Variants in SNX29 observed in about 807,000 individuals in gnomAD.
SNX29 encodes sorting nexin 29.
SNX29 carries 78 observed loss-of-function variants against 102.1 expected under a neutral mutation model. The ratio of observed to expected loss-of-function variants is 0.76; its 90% confidence interval spans 0.64 to 0.92. The LOEUF (loss-of-function observed/expected upper bound fraction) is 0.92, where lower values mean the gene tolerates loss of function less well. SNX29 is among the 40% of genes least tolerant of loss of function. The probability of loss-of-function intolerance (pLI) is 0.00; values close to 1 mark genes in which losing one functional copy is unlikely to be tolerated. For synonymous variants in SNX29, 580 were observed against 414.5 expected (o/e 1.40, Z -4.85); for missense variants, 1,280 against 1,061.7 (o/e 1.21, Z -2.86).
intron 18 of SNX29, among the ~76,000 whole-genome samples, chr16:12,427,631 C>G (rs575883440): frequency 6.6e-6 from 1 of 152,298 alleles, no homozygotes; most frequent in Admixed American, 6.5e-5. Flanking sequence ...ATCGGCCATG[C>G]TTGGAGGTTA....
chr16:12,457,455 G>A (rs60890548), intron 18 of SNX29, among the ~76,000 whole-genome samples: 1 of 152,180 alleles, frequency 6.6e-6, no homozygotes, highest in Non-Finnish European at 1.5e-5. Flanking sequence ...CAGAGATACG[G>A]CAGGTCTCAA....
intron 18 of SNX29, among the ~76,000 whole-genome samples, chr16:12,441,152 A>T (rs1010045482): frequency 7.6e-6 from 1 of 131,840 alleles, no homozygotes; most frequent in Non-Finnish European, 1.5e-5. Context: ...CAGTGGCGCT[A>T]TCTCGGCTCA....
At chr16:12,441,172 C>G (rs2085790471) in intron 18 of SNX29, among the ~76,000 whole-genome samples, 1 of 150,782 alleles carries the variant, frequency 6.6e-6, no homozygotes, top group South Asian at 2.1e-4. Context: ...ACTGCAAGCT[C>G]CGCCTCCTGG....
In SNX29 at chr16:12,572,758, G is replaced by C. The variant is rs913233188; in HGVS notation, c.*4129G>C. 10 of 1,064,006 alleles carry C rather than the reference G, an allele frequency of 9.4e-6. No individual in the cohort carries two copies. Among genetic ancestry groups the C allele is most frequent in the Non-Finnish European group, 1.0e-5 (9 of 878,456 alleles). 65.9% of individuals were successfully genotyped at this position (1,064,006 alleles called of 1,614,324 possible). A position where few individuals can be genotyped will look rare whatever the true frequency, so the allele number is the denominator to read the frequency against. On this transcript the variant is annotated 3_prime_UTR_variant, in exon 21 of 21. Transcript: ENST00000566228. ...AGGAAGGGCTGGGTTTTCAGCTTCTGGGACCCGAGGAAGACCCCACCTCAC... is the reference window on the plus strand; with the variant it reads ...AGGAAGGGCTGGGTTTTCAGCTTCTCGGACCCGAGGAAGACCCCACCTCAC...
At chr16:12,523,440 C>T (rs528658252) in intron 19 of SNX29, among the ~76,000 whole-genome samples, 4 of 152,226 alleles carry the variant, frequency 2.6e-5, no homozygotes, top group Admixed American at 6.5e-5. Flanking sequence ...AGGAGCATGA[C>T]GGTCTCAGAG....
At chr16:12,525,931 C>T (rs1043952544) in intron 20 of SNX29, among the ~76,000 whole-genome samples, 1 of 152,140 alleles carries the variant, frequency 6.6e-6, no homozygotes. Context: ...GATTAGTCCA[C>T]TCTGTTGTCA....
chr16:12,133,869 G>T (rs1338411890), intron 13 of SNX29, among the ~76,000 whole-genome samples: 1 of 152,206 alleles, frequency 6.6e-6, no homozygotes, highest in Non-Finnish European at 1.5e-5. Context: ...TTGTGTATAT[G>T]TGTGTTTCAC....
intron 20 of SNX29, among the ~76,000 whole-genome samples, chr16:12,567,524 C>G (rs535790602): frequency 6.6e-6 from 1 of 152,146 alleles, no homozygotes; most frequent in African/African-American, 2.4e-5. Flanking sequence ...GTGGCTCACA[C>G]CTGTAATCCC....
At chr16:12,005,921 T>C (rs1170419451) in intron 3 of SNX29, among the ~76,000 whole-genome samples, 2 of 152,212 alleles carry the variant, frequency 1.3e-5, no homozygotes, top group Non-Finnish European at 2.9e-5. Context: ...ACTGAACCTA[T>C]ATAATAGAAT....
intron 15 of SNX29, among the ~76,000 whole-genome samples, chr16:12,328,464 A>C (rs956213829): frequency 2.6e-5 from 4 of 152,198 alleles, no homozygotes; most frequent in African/African-American, 9.7e-5. Context: ...AACTCTTAGA[A>C]GCACAGGCTA....
chr16:12,317,774 G>A (rs1390668496), intron 15 of SNX29, among the ~76,000 whole-genome samples: 1 of 152,218 alleles, frequency 6.6e-6, no homozygotes, highest in East Asian at 1.9e-4. Context: ...GGGTGACCCT[G>A]GATATGTTCC....
At chr16:12,418,044 G>A (rs1034260232) in intron 18 of SNX29, among the ~76,000 whole-genome samples, 6 of 152,108 alleles carry the variant, frequency 3.9e-5, no homozygotes, top group Admixed American at 6.6e-5. Flanking sequence ...ACATGCAAAT[G>A]CATGTGGGAT....
chr16:12,185,713 A>G (rs2076493748), intron 13 of SNX29, among the ~76,000 whole-genome samples: 1 of 152,250 alleles, frequency 6.6e-6, no homozygotes, highest in African/African-American at 2.4e-5. Context: ...GACTTGTGCA[A>G]GAGCCAGATT....
At chr16:12,295,335 G>A (rs2079943854) in intron 15 of SNX29, among the ~76,000 whole-genome samples, 1 of 152,232 alleles carries the variant, frequency 6.6e-6, no homozygotes, top group East Asian at 1.9e-4. Flanking sequence ...CCTCCCAGGA[G>A]AAGTTGCCAG....
chr16:12,299,371 T>G (rs1030194739), intron 15 of SNX29, among the ~76,000 whole-genome samples: 43 of 152,254 alleles, frequency 2.8e-4, no homozygotes, highest in African/African-American at 1.0e-3. Flanking sequence ...GTAATTTTTC[T>G]TTGTGATATT....
intron 20 of SNX29, among the ~76,000 whole-genome samples, chr16:12,538,884 C>G (rs777143575): frequency 1.4e-5 from 2 of 147,346 alleles, no homozygotes; most frequent in Admixed American, 6.8e-5. Context: ...CATTTGTACA[C>G]TTGCACAGAT....
rs1444842359 is a variant in SNX29 at position 12,573,585 on chromosome 16, C to T, written c.*4956C>T. ...GAAAACCACTCACCCAGGCTTCCCC[C>T]ACTTCCCCTCAAATTTTCTCAGCTC... On this transcript the variant is annotated 3_prime_UTR_variant, in exon 21 of 21. Transcript: ENST00000566228. The T allele has an allele frequency of 1.8e-5, 4 of 222,928 alleles. 1 individual carries two copies. The Middle Eastern group carries it at 4.2e-3, about 234-fold the overall frequency. 13.8% of individuals were successfully genotyped at this position (222,928 alleles called of 1,614,324 possible).
At chr16:12,233,112 T>TTCC (rs111575420) in intron 14 of SNX29, among the ~76,000 whole-genome samples, 5,845 of 151,992 alleles carry the variant, frequency 0.038, 400 homozygotes, top group African/African-American at 0.13. Context: ...TGTCTTTGTC[T>TTCC]TCCTCCTCCT....
chr16:12,337,442 A>C (rs2081485106), intron 15 of SNX29, among the ~76,000 whole-genome samples: 1 of 151,968 alleles, frequency 6.6e-6, no homozygotes, highest in Non-Finnish European at 1.5e-5. Context: ...CCTGGGCTCA[A>C]GTGATCCTCC....
Sources: allele counts gnomAD v4.1 joint callset (sites outside exome capture counted in the v4.1 genomes callset), GRCh38; gene constraint gnomAD v4.1.1; transcripts MANE v1.5; gene names NCBI Gene and HGNC (gene_info 2026-07-23, HGNC 2026-07-21).